LRBA: variants seen among roughly 807,000 people sequenced by gnomAD.
LRBA encodes the protein LPS responsive beige-like anchor protein.
A neutral mutation model predicts 330.0 loss-of-function variants in LRBA; 176 were observed. The ratio of observed to expected loss-of-function variants is 0.53; its 90% confidence interval spans 0.47 to 0.60. The LOEUF is 0.60. Among genes scored for constraint, LRBA ranks in the 20% least tolerant of loss-of-function variants. The pLI is 0.00. For missense variants in LRBA, 3,259 were observed against 3,444.8 expected (o/e 0.95, Z 1.35); for synonymous variants, 1,230 against 1,193.0 (o/e 1.03, Z -0.64).
intron 2 of LRBA, among the ~76,000 whole-genome samples, chr4:150,939,172 A>C (rs1387763773): frequency 1.3e-5 from 2 of 152,140 alleles, no homozygotes; most frequent in Admixed American, 6.5e-5. Context: ...TTACAGGTTG[A>C]ATTGTGTTCT....
chr4:150,917,369 G>A (rs1003507100), intron 5 of LRBA, among the ~76,000 whole-genome samples: 13 of 151,986 alleles, frequency 8.6e-5, no homozygotes, highest in Admixed American at 2.6e-4. Flanking sequence ...AAAGAGATAG[G>A]AAGTGATAAC....
chr4:150,580,278 G>A (rs544016775), intron 40 of LRBA: 3 of 147,464 alleles, frequency 2.0e-5, no homozygotes, highest in East Asian at 4.0e-4. Context: ...CAAACCCTAA[G>A]CAACAAATCC....
chr4:150,304,356 T>TA (rs1193188669), intron 52 of LRBA, among the ~76,000 whole-genome samples: 1 of 152,144 alleles, frequency 6.6e-6, no homozygotes, highest in African/African-American at 2.4e-5. Flanking sequence ...AATTTAGAAA[T>TA]AAAATTCTGA....
intron 34 of LRBA, among the ~76,000 whole-genome samples, chr4:150,790,321 T>C (rs1739715551): frequency 6.6e-6 from 1 of 152,228 alleles, no homozygotes; most frequent in Non-Finnish European, 1.5e-5. Context: ...AGGACGCCTG[T>C]ATTTCAGGTC....
At chr4:150,987,503 C>T (rs1741592170) in intron 2 of LRBA, among the ~76,000 whole-genome samples, 1 of 151,738 alleles carries the variant, frequency 6.6e-6, no homozygotes, top group Non-Finnish European at 1.5e-5. Context: ...GTCAGGAGCT[C>T]GAAAACAGCT....
chr4:150,920,728 T>C (rs530930566), intron 5 of LRBA, among the ~76,000 whole-genome samples: 2 of 152,252 alleles, frequency 1.3e-5, no homozygotes, highest in South Asian at 4.2e-4. Flanking sequence ...ATTAACGGCT[T>C]ACAGGAACAC....
At chr4:150,390,649 C>T (rs895505048) in intron 47 of LRBA, among the ~76,000 whole-genome samples, 1 of 152,256 alleles carries the variant, frequency 6.6e-6, no homozygotes, top group South Asian at 2.1e-4. Context: ...CCCAAAAATT[C>T]CTCAAGGAAG....
At chr4:150,392,465 C>T (rs939710441) in intron 47 of LRBA, among the ~76,000 whole-genome samples, 3 of 152,154 alleles carry the variant, frequency 2.0e-5, no homozygotes, top group African/African-American at 7.2e-5. Flanking sequence ...CCAATACCCT[C>T]ACAATGTCAT....
Position 150,489,341 on chromosome 4 carries a change from TATAAAATATATTACATATAAGA to T in LRBA, c.6449-1529_6449-1508del, listed in dbSNP as rs1356962218. On this transcript the variant is annotated intron_variant, in intron 41 of 56. Transcript: ENST00000651943. ...ATATAAAATATATTACATATAAGAA[TATAAAATATATTACATATAAGA>T]ATATAAAATATATTACATATAAGAA... is the stretch of plus-strand genomic sequence containing the variant. 6.8e-3 allele frequency among the ~76,000 whole-genome samples: 544 copies of T among 80,210 alleles called. 23 individuals carry two copies. The highest frequency in any genetic ancestry group is 7.7e-3 in the Non-Finnish European group (342 of 44,588). 52.6% of individuals were successfully genotyped at this position (80,210 alleles called of 152,430 possible).
chr4:150,499,589 G>A (rs952816023), intron 40 of LRBA, among the ~76,000 whole-genome samples: 1 of 151,972 alleles, frequency 6.6e-6, no homozygotes, highest in African/African-American at 2.4e-5. Context: ...GCTGCAGTGA[G>A]CTATGACTGC....
intron 2 of LRBA, 42 bp downstream of exon 2, chr4:151,014,385 C>T (rs186056199): frequency 6.6e-7 from 1 of 1,505,850 alleles, no homozygotes; most frequent in Admixed American, 1.7e-5. Flanking sequence ...TTCCCCAACC[C>T]ACTGAAAAGA....
intron 35 of LRBA, among the ~76,000 whole-genome samples, chr4:150,753,847 C>A (rs1471976801): frequency 2.0e-5 from 3 of 152,076 alleles, no homozygotes; most frequent in Non-Finnish European, 4.4e-5. Context: ...GTGGGAGGAT[C>A]ACTTGAGCAG....
intron 42 of LRBA, among the ~76,000 whole-genome samples, chr4:150,476,909 T>A (rs1314008693): frequency 6.6e-6 from 1 of 152,194 alleles, no homozygotes; most frequent in African/African-American, 2.4e-5. Flanking sequence ...ACAGGACTAA[T>A]TCTCTTGCTG....
At chr4:150,743,437 A>T (rs1276636326) in intron 35 of LRBA, among the ~76,000 whole-genome samples, 1 of 152,212 alleles carries the variant, frequency 6.6e-6, no homozygotes, top group Non-Finnish European at 1.5e-5. Context: ...AAATTGACAA[A>T]ATAATGTCCA....
intron 56 of LRBA, among the ~76,000 whole-genome samples, chr4:150,271,912 A>G (rs1244752665): frequency 6.6e-6 from 1 of 152,100 alleles, no homozygotes; most frequent in African/African-American, 2.4e-5. Context: ...CACCTGGGGG[A>G]AGGGGCAGCT....
intron 38 of LRBA, among the ~76,000 whole-genome samples, chr4:150,597,842 G>A (rs1581778028): frequency 6.6e-6 from 1 of 152,042 alleles, no homozygotes; most frequent in Non-Finnish European, 1.5e-5. Context: ...ACCTCCTGTA[G>A]TTGAAGATGT....
chr4:150,833,160 C>A (rs1029359046), intron 28 of LRBA, among the ~76,000 whole-genome samples: 7 of 151,912 alleles, frequency 4.6e-5, no homozygotes, highest in African/African-American at 7.3e-5. Flanking sequence ...AGAAAGAAGA[C>A]AAACTAGACT....
chr4:150,401,501 T>G (rs545804799), intron 47 of LRBA, among the ~76,000 whole-genome samples: 1 of 152,288 alleles, frequency 6.6e-6, no homozygotes, highest in East Asian at 1.9e-4. Flanking sequence ...TTACTATACT[T>G]TGTAATGGCA....
chr4:150,877,383 T>C (rs753954547), intron 17 of LRBA, among the ~76,000 whole-genome samples: 2 of 152,118 alleles, frequency 1.3e-5, no homozygotes, highest in Non-Finnish European at 2.9e-5. Context: ...TCACTATTCT[T>C]ATATCAGATA....
Sources: allele counts gnomAD v4.1 joint callset (sites outside exome capture counted in the v4.1 genomes callset), GRCh38; gene constraint gnomAD v4.1.1; transcripts MANE v1.5; gene names NCBI Gene and HGNC (gene_info 2026-07-23, HGNC 2026-07-21).